C1GALT1: variants seen among roughly 807,000 people sequenced by gnomAD.
C1GALT1 encodes the protein glycoprotein-N-acetylgalactosamine 3-beta-galactosyltransferase 1.
A neutral mutation model predicts 31.0 loss-of-function variants in C1GALT1; 11 were observed. The ratio of observed to expected loss-of-function variants is 0.36; its 90% confidence interval spans 0.22 to 0.59. The LOEUF (loss-of-function observed/expected upper bound fraction) is 0.59. Ranked by LOEUF, C1GALT1 falls within the 20% of genes least tolerant of loss-of-function variation. C1GALT1 has a pLI of 0.79. For missense variants in C1GALT1, 424 were observed against 425.2 expected, an observed-to-expected ratio of 1.00 and a Z score of 0.03; for synonymous variants, 175 against 143.6, an observed-to-expected ratio of 1.22 and a Z score of -1.56.
At chr7:7,225,243 T>C (rs1782705466) in intron 1 of C1GALT1, among the ~76,000 whole-genome samples, 1 of 152,202 alleles carries the variant, frequency 6.6e-6, no homozygotes, top group Non-Finnish European at 1.5e-5. Context: ...GTGCTATAAG[T>C]TTTCCTCTTA....
At position 7,243,530 on chromosome 7, in the gene C1GALT1, G is replaced by A; in HGVS notation, c.895G>A (p.Gly299Ser). The A allele has an allele frequency of 1.3e-6, 2 of 1,596,788 alleles. No individual in the cohort carries two copies. The highest frequency in any genetic ancestry group is 1.7e-6 in the Non-Finnish European group (2 of 1,174,610). ...YNYYPPVEGP[G>S]CCSDLAVSFH... is the part of the protein sequence containing the mutation. ...GTTTCCACTACTTTTTTAGGGTCCT[G>A]GTTGCTGCTCTGATCTTGCAGTTTC... Residue 299 changes from glycine to serine, a missense_variant, in exon 4 of 4, where the codon GGT becomes AGT. Coordinates refer to ENST00000436587, the MANE Select transcript of C1GALT1 (RefSeq NM_020156.5).
At chr7:7,162,933 C>G (rs1480664861) in intron 2 of C1GALT1, among the ~76,000 whole-genome samples, 6 of 152,148 alleles carry the variant, frequency 3.9e-5, no homozygotes, top group Non-Finnish European at 8.8e-5. Context: ...AGTGTCTGTT[C>G]ATGTCCTTCG....
Position 7,243,155 on chromosome 7 carries a change from C to G in C1GALT1, c.889-369C>G, listed in dbSNP as rs371833549. Among the ~76,000 whole-genome samples the G allele has an allele frequency of 9.2e-5, 14 of 152,104 alleles. 1 individual carries two copies. In the East Asian group the frequency reaches 1.7e-3, roughly 19 times the overall value. ...CGAGTATGAGCCACACAAAAAATTA[C>G]AGTGAGAAAATGAGGAAGAGAAAGC... is the stretch of plus-strand genomic sequence containing the variant. On this transcript the variant is annotated intron_variant, in intron 3 of 3. Transcript: ENST00000436587.
upstream of C1GALT1, among the ~76,000 whole-genome samples, chr7:7,180,689 T>A (rs899282030): frequency 6.6e-6 from 1 of 152,252 alleles, no homozygotes; most frequent in Non-Finnish European, 1.5e-5. Flanking sequence ...TTTGTTTAAA[T>A]TTTTTAAATT....
At chr7:7,233,760 T>G (rs1783199857) in intron 1 of C1GALT1, among the ~76,000 whole-genome samples, 1 of 152,236 alleles carries the variant, frequency 6.6e-6, no homozygotes, top group Non-Finnish European at 1.5e-5. Flanking sequence ...CCATGGGTCC[T>G]CAAACTGTGC....
intron 1 of C1GALT1, among the ~76,000 whole-genome samples, chr7:7,184,857 A>C (rs536107694): frequency 2.4e-4 from 37 of 152,388 alleles, no homozygotes; most frequent in African/African-American, 8.7e-4. Flanking sequence ...GCTGAAAGAA[A>C]GGTATGACAA....
At chr7:7,218,450 A>G (rs1044460181) in intron 1 of C1GALT1, among the ~76,000 whole-genome samples, 1 of 152,180 alleles carries the variant, frequency 6.6e-6, no homozygotes, top group Non-Finnish European at 1.5e-5. Context: ...TATTGGCCCA[A>G]CGAAAAATGA....
At chr7:7,242,058 A>G (rs1783653830) in intron 3 of C1GALT1, among the ~76,000 whole-genome samples, 1 of 152,016 alleles carries the variant, frequency 6.6e-6, no homozygotes. Context: ...ATGTGTGGTT[A>G]TTGAGCACTT....
rs1158670868 is a variant in C1GALT1, at chr7:7,182,740, G to C, written c.-98G>C. The stretch of plus-strand genomic sequence containing the variant: ...CACGAGCCACTTCTGCGGCTGCCCA[G>C]AGAAGCAAAGGTCACCAGTCCCAAG... On this transcript the variant is annotated 5_prime_UTR_variant, in exon 1 of 4. Coordinates refer to ENST00000436587, the MANE Select transcript of C1GALT1 (RefSeq NM_020156.5). 1 of 946,948 alleles carries C rather than the reference G, an allele frequency of 1.1e-6. No individual in the cohort carries two copies. Among genetic ancestry groups the C allele is most frequent in the Non-Finnish European group, 1.3e-6 (1 of 794,786 alleles). 58.7% of individuals were successfully genotyped at this position (946,948 alleles called of 1,614,324 possible). A position where few individuals can be genotyped will look rare whatever the true frequency, so the allele number is the denominator to read the frequency against.
At chr7:7,201,008 A>G (rs977791389) in intron 1 of C1GALT1, among the ~76,000 whole-genome samples, 5 of 152,218 alleles carry the variant, frequency 3.3e-5, no homozygotes, top group Admixed American at 2.0e-4. Context: ...TCAACTCGTC[A>G]AAGTCATTCT....
At chr7:7,221,267 T>G (rs1227075035) in intron 1 of C1GALT1, among the ~76,000 whole-genome samples, 1 of 152,180 alleles carries the variant, frequency 6.6e-6, no homozygotes, top group Non-Finnish European at 1.5e-5. Flanking sequence ...TTTATCTGAT[T>G]TACAGCTGTT....
At chr7:7,178,830 G>A (rs974934796), upstream of C1GALT1, among the ~76,000 whole-genome samples, 3 of 152,172 alleles carry the variant, frequency 2.0e-5, no homozygotes, top group African/African-American at 7.2e-5. Context: ...ACCTATTGTT[G>A]TATAACAAAC....
At chr7:7,218,073 A>G (rs1782329839) in intron 1 of C1GALT1, among the ~76,000 whole-genome samples, 2 of 152,210 alleles carry the variant, frequency 1.3e-5, no homozygotes, top group Non-Finnish European at 2.9e-5. Flanking sequence ...TTGATGGGAT[A>G]GTATTATAGT....
intron 1 of C1GALT1, among the ~76,000 whole-genome samples, chr7:7,218,051 A>G (rs1042532233): frequency 1.3e-5 from 2 of 151,884 alleles, no homozygotes; most frequent in African/African-American, 4.9e-5. Context: ...AAATGAAGGA[A>G]TAAGGAAAAA....
intron 2 of C1GALT1, among the ~76,000 whole-genome samples, chr7:7,172,229 A>C (rs1168520275): frequency 6.6e-6 from 1 of 152,216 alleles, no homozygotes; most frequent in Non-Finnish European, 1.5e-5. Context: ...AATTTCAGTT[A>C]ATAGGTTTCA....
rs150231701 is a variant in C1GALT1 at position 7,246,907 on chromosome 7, G to T, written c.*3180G>T. 2.6e-5 allele frequency: 4 copies of T among 152,090 alleles called. No individual in the cohort carries two copies. Among genetic ancestry groups the T allele is most frequent in the African/African-American group, 7.2e-5 (3 of 41,418 alleles). The allele number at this position is 152,090 out of a possible 1,614,324, so 9.4% of individuals were successfully genotyped here. A position where few individuals can be genotyped will look rare whatever the true frequency, so the allele number is the denominator to read the frequency against. Reference sequence around the variant, plus strand: ...ATAAAGATAACTTAAAGGATCATTGGATCATTCATTTTGGCCAAATTTTTA... The same window carrying T: ...ATAAAGATAACTTAAAGGATCATTGTATCATTCATTTTGGCCAAATTTTTA... On this transcript the variant is annotated 3_prime_UTR_variant, in exon 4 of 4. Coordinates refer to ENST00000436587, the MANE Select transcript of C1GALT1 (RefSeq NM_020156.5).
chr7:7,189,982 T>A (rs1297824492), intron 1 of C1GALT1, among the ~76,000 whole-genome samples: 1 of 152,108 alleles, frequency 6.6e-6, no homozygotes, highest in African/African-American at 2.4e-5. Context: ...AATTTCCACA[T>A]GAATTTTTGT....
At chr7:7,222,323 T>A (rs1024406506) in intron 1 of C1GALT1, among the ~76,000 whole-genome samples, 1 of 152,238 alleles carries the variant, frequency 6.6e-6, no homozygotes, top group African/African-American at 2.4e-5. Flanking sequence ...GAATGATTTA[T>A]GTAGTCCAAA....
At chr7:7,222,944 GCT>G (rs1491250312) in intron 1 of C1GALT1, among the ~76,000 whole-genome samples, 4,446 of 149,938 alleles carry the variant, frequency 0.03, 229 homozygotes, top group African/African-American at 0.1. Context: ...TTGTAGTTAA[GCT>G]TTTTTTAAAA....
Sources: gnomAD v4.1 joint callset for allele counts (sites outside exome capture counted in the v4.1 genomes callset) on GRCh38, gnomAD v4.1.1 for gene constraint, MANE v1.5 for transcripts, NCBI Gene and HGNC (gene_info 2026-07-23, HGNC 2026-07-21) for gene names.